Variants in ZNF821 observed in about 807,000 individuals in gnomAD.
ZNF821 encodes zinc finger protein 821.
In ZNF821, 16 loss-of-function variants were observed where a neutral mutation model predicts 44.3. The ratio of observed to expected loss-of-function variants is 0.36; its 90% CI spans 0.24 to 0.55. The LOEUF (loss-of-function observed/expected upper bound fraction) is 0.55. Ranked by LOEUF, ZNF821 falls within the 20% of genes least tolerant of loss-of-function variation. ZNF821 has a pLI of 0.86. For missense variants in ZNF821, 436 were observed against 547.6 expected (o/e 0.80, Z 2.03); for synonymous variants, 204 against 197.6 (o/e 1.03, Z -0.27).
At chr16:71,864,296 G>A in intron 5 of ZNF821, 54 bp from the exon 6 acceptor site, 1 of 1,511,544 alleles carries the variant, frequency 6.6e-7, no homozygotes, top group Non-Finnish European at 9.2e-7. Context: ...TCTCTTCCCT[G>A]CCCCAGCTTT....
At position 71,861,920 on chromosome 16, in the gene ZNF821, G is replaced by A; in HGVS notation, c.440C>T (p.Ala147Val). Residue 147 changes from alanine (A) to valine (V), a missense_variant, in exon 7 of 8, where the codon GCC becomes GTC. By Grantham distance (64) the Ala-to-Val change is moderately conservative (BLOSUM62 0). This residue lies in a region of ZNF821 where 238 missense variants were observed against 281.4 expected (regional missense o/e 0.85). Coordinates refer to ENST00000425432, the MANE Select transcript of ZNF821 (RefSeq NM_001201552.2). ...ACAGACAGGACACATGTAGCTCTTG[G>A]CGCTCACCACTGCTGCAGTGTGCTG... Reference protein sequence around the residue: ...VYQHTAAVVSAKSYMCPVCGR... With the variant: ...VYQHTAAVVSVKSYMCPVCGR... 6.2e-7 allele frequency: 1 copy of A among 1,614,172 alleles called. No homozygotes were observed. Among genetic ancestry groups the A allele is most frequent in the African/African-American group, 1.3e-5 (1 of 75,050 alleles).
chr16:71,889,386 A>G (rs1000088789), upstream of ZNF821, among the ~76,000 whole-genome samples: 10 of 151,976 alleles, frequency 6.6e-5, no homozygotes, highest in Admixed American at 6.6e-5. Context: ...AAAACTGACA[A>G]TAGCCGGGTG....
At position 71,866,203 on chromosome 16, in the gene ZNF821, C is replaced by T. The variant is rs150227216; in HGVS notation, c.167-1155G>A. On this transcript the variant is annotated intron_variant, in intron 4 of 7. Transcript: ENST00000425432. ...CAGGAAACTCAGATTTCCTAGCTAA[C>T]AGTGTGCCTGTCTTCTCTACTACCC... 4.7e-4 allele frequency among the ~76,000 whole-genome samples: 71 copies of T among 152,324 alleles called. No homozygotes were observed. The East Asian group carries it at 0.01, about 22-fold the overall frequency.
In ZNF821 at chr16:71,864,145, A is replaced by C. The variant is rs760888603; in HGVS notation, c.410T>G (p.Val137Gly). The change falls in exon 6 of 8, where the codon GTG (valine) becomes GGG (glycine). Residue 137 changes from valine to glycine, a missense_variant. Around this residue, in one of 5 missense-constraint regions of ZNF821, gnomAD observed 238 missense variants for 281.4 expected, o/e 0.85. Transcript: ENST00000425432. ...CGSREQLIAH[V>G]YQHTAAVVSA... ...CAGCTCCCCCATCCATACCTGGTAC[A>C]CGTGAGCAATCAACTGCTCCCGGCT... The C allele has an allele frequency of 4.3e-6, 7 of 1,613,786 alleles. No homozygotes were observed. The Admixed American group carries it at 1.2e-4, about 27-fold the overall frequency.
intron 3 of ZNF821, among the ~76,000 whole-genome samples, chr16:71,878,560 GAAGTA>G (rs532788851): frequency 1.4e-4 from 22 of 152,144 alleles, no homozygotes; most frequent in Non-Finnish European, 2.8e-4. Context: ...AGTAGTGCTA[GAAGTA>G]AAGAGGATAC....
At position 71,865,168 on chromosome 16, in the gene ZNF821, T is replaced by G. The variant is rs2034389792; in HGVS notation, c.167-120A>C. On this transcript the variant is annotated intron_variant, in intron 4 of 7. Transcript: ENST00000425432. ...TTTTCAGATCTTCCATAATATAGTTTATATAGTTTTGTTGGGTACATATTA... is the reference window on the plus strand; with the variant it reads ...TTTTCAGATCTTCCATAATATAGTTGATATAGTTTTGTTGGGTACATATTA... 3 of 1,316,540 alleles carry G rather than the reference T, an allele frequency of 2.3e-6. No individual in the cohort carries two copies. In the Admixed American group the frequency reaches 6.1e-5, roughly 27 times the overall value. 81.6% of individuals were successfully genotyped at this position (1,316,540 alleles called of 1,614,324 possible).
intron 1 of ZNF821, chr16:71,894,561 T>C (rs1371658714): frequency 3.2e-6 from 1 of 309,272 alleles, no homozygotes; most frequent in Non-Finnish European, 6.0e-6. Context: ...TCTTTTTTTC[T>C]GTAGCCTAGG....
upstream of ZNF821, among the ~76,000 whole-genome samples, chr16:71,884,401 G>C (rs530580927): frequency 1.3e-4 from 20 of 151,340 alleles, no homozygotes; most frequent in Middle Eastern, 3.4e-3. Flanking sequence ...GCCCATTCCC[G>C]GGTCTTTCTC....
At position 71,873,956 on chromosome 16, in the gene ZNF821, A is replaced by ATT. The variant is rs138380961; in HGVS notation, c.41-5921_41-5920dup. Among the ~76,000 whole-genome samples, 225 of 123,222 alleles carry ATT rather than the reference A, an allele frequency of 1.8e-3. 1 individual carries two copies. The highest frequency in any genetic ancestry group is 4.1e-3 in the East Asian group (17 of 4,176). 80.8% of individuals were successfully genotyped at this position (123,222 alleles called of 152,430 possible). On this transcript the variant is annotated intron_variant, in intron 3 of 7. Coordinates refer to ENST00000425432, the MANE Select transcript of ZNF821 (RefSeq NM_001201552.2). The stretch of plus-strand genomic sequence containing the variant: ...GTGTGAGCGACCACGCCCGGCTGGA[A>ATT]TTTTTTTTTTTTTTTTTTTGAGATG...
chr16:71,891,977 C>G (rs1441808714), intron 1 of ZNF821, among the ~76,000 whole-genome samples: 1 of 111,882 alleles, frequency 8.9e-6, no homozygotes, highest in Non-Finnish European at 1.7e-5. Context: ...CCCTGGGCGA[C>G]AGAGAGAGAC....
chr16:71,879,777 G>T, intron 3 of ZNF821, 130 bp downstream of exon 3: 2 of 868,932 alleles, frequency 2.3e-6, no homozygotes, highest in Admixed American at 2.6e-5. Flanking sequence ...CTTCTGCTCA[G>T]CAAACTGTGT....
intron 6 of ZNF821, among the ~76,000 whole-genome samples, chr16:71,863,042 C>T (rs933438621): frequency 3.3e-5 from 5 of 152,088 alleles, no homozygotes; most frequent in Admixed American, 6.5e-5. Context: ...TATAGGCGTG[C>T]GCCACCACAC....
rs189263731 is a variant in ZNF821, at chr16:71,864,174, G to A, written c.381C>T (p.Cys127=). ...GAGCAATCAACTGCTCCCGGCTCCC[G>A]CAGTCTAGCTGGCAGAGGGGACACT... is the stretch of plus-strand genomic sequence containing the variant. The part of the protein sequence containing the change: ...LCQCPLCQLD[C]GSREQLIAHV... Residue 127 remains cysteine (C), a synonymous_variant, in exon 6 of 8, where the codon TGC becomes TGT. Transcript: ENST00000425432. 7.4e-6 allele frequency: 12 copies of A among 1,614,214 alleles called. No homozygotes were observed. The highest frequency in any genetic ancestry group is 1.7e-4 in the Middle Eastern group (1 of 6,058).
chr16:71,879,239 A>C (rs1165757545), intron 3 of ZNF821, among the ~76,000 whole-genome samples: 1 of 152,054 alleles, frequency 6.6e-6, no homozygotes, highest in Non-Finnish European at 1.5e-5. Flanking sequence ...GCTTCATATA[A>C]AGTCTCCTTG....
intron 3 of ZNF821, among the ~76,000 whole-genome samples, chr16:71,872,815 A>C (rs1368351347): frequency 2.0e-5 from 3 of 152,206 alleles, no homozygotes; most frequent in Non-Finnish European, 2.9e-5. Context: ...TATAAGAGAA[A>C]GGACTTCAAA....
intron 4 of ZNF821, among the ~76,000 whole-genome samples, chr16:71,866,598 A>G (rs2034570217): frequency 6.6e-6 from 1 of 152,238 alleles, no homozygotes; most frequent in Non-Finnish European, 1.5e-5. Context: ...TAATCCAAAT[A>G]TATCTCGCTA....
At chr16:71,881,423 T>C (rs889639226) in intron 2 of ZNF821, 6 of 152,238 alleles carry the variant, frequency 3.9e-5, no homozygotes, top group African/African-American at 1.4e-4. Flanking sequence ...CAAACACAGT[T>C]CTTTTTCAGA....
intron 6 of ZNF821, among the ~76,000 whole-genome samples, chr16:71,863,085 A>G (rs192908610): frequency 1.1e-4 from 17 of 152,084 alleles, no homozygotes; most frequent in African/African-American, 3.9e-4. Context: ...TATTAGAGAC[A>G]GGGTTTCACC....
Position 71,860,523 on chromosome 16 carries a change from C to A in ZNF821, c.734G>T (p.Arg245Leu). The change falls in exon 8 of 8, where the codon CGT (arginine) becomes CTT (leucine). Residue 245 changes from arginine to leucine, a missense_variant. This residue lies in a region of ZNF821 where 68 missense variants were observed against 57.0 expected (regional missense o/e 1.19). Transcript: ENST00000425432. The surrounding 1 kb of genome is among the most constrained non-coding windows in gnomAD (Gnocchi z 7.3). ...LLVCNNCAAY[R>L]KLLEAQTPSV... ...GGGAGTCTGGGCTTCCAGCAGTTTA[C>A]GGTAGGCAGCACAGTTGTTGCACAC... 1 of 1,614,146 alleles carries A rather than the reference C, an allele frequency of 6.2e-7. No individual in the cohort carries two copies. Among genetic ancestry groups the A allele is most frequent in the South Asian group, 1.1e-5 (1 of 91,082 alleles).
Sources: allele counts gnomAD v4.1 joint callset (sites outside exome capture counted in the v4.1 genomes callset), GRCh38; gene constraint gnomAD v4.1.1; regional missense constraint gnomAD v4.1.1; non-coding constraint Gnocchi (gnomAD v3.1); transcripts MANE v1.5; gene names NCBI Gene and HGNC (gene_info 2026-07-23, HGNC 2026-07-21).